WDR27: variants seen among roughly 807,000 people sequenced by gnomAD.
WDR27 encodes WD repeat domain 27, also known as WD repeat-containing protein 27.
WDR27 carries 100 observed loss-of-function variants against 114.4 expected under a neutral mutation model. The ratio of observed to expected loss-of-function variants is 0.87; its 90% CI spans 0.74 to 1.03. The LOEUF (loss-of-function observed/expected upper bound fraction) is 1.03, where lower values mean the gene tolerates loss of function less well. Among genes scored for constraint, WDR27 ranks in the 50% least tolerant of loss-of-function variants. The probability of loss-of-function intolerance (pLI) is 0.00; values close to 1 mark genes in which losing one functional copy is unlikely to be tolerated. For synonymous variants in WDR27, 449 were observed against 423.1 expected (o/e 1.06, Z -0.75); for missense variants, 1,129 against 1,092.9 (o/e 1.03, Z -0.47).
At position 169,618,640 on chromosome 6, in the gene WDR27, A is replaced by AC. The variant is rs1812429122; in HGVS notation, c.2224-4985_2224-4984insG. ...CTTGGATGACTGCAAAAAAAAAAAA[A>AC]AAAAAAAAACATTATTGATGCATGA... On this transcript the variant is annotated intron_variant, in intron 21 of 25. Coordinates refer to ENST00000448612, the MANE Select transcript of WDR27 (RefSeq NM_182552.5). 3.3e-5 allele frequency among the ~76,000 whole-genome samples: 5 copies of AC among 151,666 alleles called. No homozygotes were observed. In the South Asian group the frequency reaches 1.0e-3, roughly 32 times the overall value.
chr6:169,609,190 T>C (rs1809955102), intron 22 of WDR27, among the ~76,000 whole-genome samples: 1 of 152,174 alleles, frequency 6.6e-6, no homozygotes. Flanking sequence ...TCCGTGCTCA[T>C]GGTGCAAGCT....
chr6:169,617,300 T>C (rs1812079765), intron 21 of WDR27, among the ~76,000 whole-genome samples: 1 of 152,208 alleles, frequency 6.6e-6, no homozygotes, highest in South Asian at 2.1e-4. Context: ...AGGCGGTGCC[T>C]GATGTATGTA....
chr6:169,451,655 G>T, the WDR27 span, among the ~76,000 whole-genome samples: 1 of 152,136 alleles, frequency 6.6e-6, no homozygotes, highest in Non-Finnish European at 1.5e-5. Flanking sequence ...GAATTTAAAA[G>T]TTTCCACTGA....
intron 7 of WDR27, chr6:169,664,513 G>C: frequency 5.7e-6 from 8 of 1,392,936 alleles, no homozygotes; most frequent in Non-Finnish European, 7.5e-6. Flanking sequence ...CATCAGCTCA[G>C]GGCACATGGG....
chr6:169,537,135 A>G (rs1796282978), intron 25 of WDR27, among the ~76,000 whole-genome samples: 1 of 152,058 alleles, frequency 6.6e-6, no homozygotes, highest in Admixed American at 6.6e-5. Flanking sequence ...CTTTTTCTTC[A>G]AGTGCCCCTT....
At chr6:169,604,898 T>A (rs1584519288) in intron 22 of WDR27, among the ~76,000 whole-genome samples, 1 of 151,708 alleles carries the variant, frequency 6.6e-6, no homozygotes, top group East Asian at 1.9e-4. Flanking sequence ...AAATTCAGCA[T>A]CTCTTCATAA....
At chr6:169,681,276 A>C (rs1443439382) in intron 2 of WDR27, among the ~76,000 whole-genome samples, 4 of 152,232 alleles carry the variant, frequency 2.6e-5, no homozygotes, top group African/African-American at 9.6e-5. Flanking sequence ...AAAATGAGTA[A>C]GTATCGGACA....
chr6:169,486,306 C>T (rs894643352), intron 25 of WDR27, among the ~76,000 whole-genome samples: 1 of 152,010 alleles, frequency 6.6e-6, no homozygotes. Context: ...TAAAAGAGAG[C>T]TACCATTTGA....
intron 25 of WDR27, among the ~76,000 whole-genome samples, chr6:169,496,395 AG>A (rs772777794): frequency 6.6e-6 from 1 of 152,154 alleles, no homozygotes; most frequent in Non-Finnish European, 1.5e-5. Context: ...GAACAAGTCA[AG>A]AATGTTCAAT....
intron 25 of WDR27, among the ~76,000 whole-genome samples, chr6:169,480,069 T>C (rs1451712017): frequency 1.3e-5 from 2 of 152,166 alleles, no homozygotes; most frequent in Non-Finnish European, 2.9e-5. Flanking sequence ...GGGCTGTGCA[T>C]GGCGCTCGCG....
At chr6:169,639,527 A>C (rs1353250874) in intron 17 of WDR27, among the ~76,000 whole-genome samples, 1 of 151,854 alleles carries the variant, frequency 6.6e-6, no homozygotes, top group Non-Finnish European at 1.5e-5. Context: ...TTGTTGTGAC[A>C]GATTTGAAAA....
chr6:169,587,421 G>T (rs1218750496), intron 23 of WDR27, among the ~76,000 whole-genome samples: 1 of 152,010 alleles, frequency 6.6e-6, no homozygotes, highest in African/African-American at 2.4e-5. Flanking sequence ...GTTTCACCAT[G>T]TTAGCCAGGC....
At chr6:169,556,182 G>C (rs962047407) in intron 25 of WDR27, among the ~76,000 whole-genome samples, 24 of 152,184 alleles carry the variant, frequency 1.6e-4, no homozygotes, top group African/African-American at 5.8e-4. Context: ...AGCCTTGGGG[G>C]CCTCAGGGAG....
the WDR27 span, among the ~76,000 whole-genome samples, chr6:169,449,850 G>A: frequency 1.7e-4 from 26 of 152,256 alleles, no homozygotes; most frequent in South Asian, 2.1e-3. Flanking sequence ...GCCTTCTGAC[G>A]AGAAATACAG....
intron 25 of WDR27, among the ~76,000 whole-genome samples, chr6:169,544,137 C>T (rs565208653): frequency 1.3e-5 from 2 of 152,272 alleles, no homozygotes; most frequent in South Asian, 4.1e-4. Context: ...ACTAACATCA[C>T]ACTTAATGGT....
chr6:169,477,911 G>A (rs1047329200), intron 25 of WDR27, among the ~76,000 whole-genome samples: 1 of 152,028 alleles, frequency 6.6e-6, no homozygotes, highest in Non-Finnish European at 1.5e-5. Context: ...TCCACACACT[G>A]GCAAATACAC....
At chr6:169,632,716 T>C (rs1297666825) in intron 21 of WDR27, among the ~76,000 whole-genome samples, 1 of 152,208 alleles carries the variant, frequency 6.6e-6, no homozygotes, top group Non-Finnish European at 1.5e-5. Context: ...AAAATCTTAA[T>C]ATGGGCCCAT....
At chr6:169,660,525 C>T in intron 10 of WDR27, 138 bp downstream of exon 10, 1 of 729,388 alleles carries the variant, frequency 1.4e-6, no homozygotes, top group Non-Finnish European at 2.4e-6. Flanking sequence ...TGCTCACGTG[C>T]TCAATGCTGA....
intron 25 of WDR27, among the ~76,000 whole-genome samples, chr6:169,459,832 ACT>A (rs142228765): frequency 6.6e-6 from 1 of 152,072 alleles, no homozygotes; most frequent in African/African-American, 2.4e-5. Flanking sequence ...CCCCCAAAAA[ACT>A]CTCAACCAAG....
Sources: gnomAD v4.1 joint callset for allele counts (sites outside exome capture counted in the v4.1 genomes callset) on GRCh38, gnomAD v4.1.1 for gene constraint, MANE v1.5 for transcripts, NCBI Gene and HGNC (gene_info 2026-07-23, HGNC 2026-07-21) for gene names.